Variants in LRRC37A2 observed in about 807,000 individuals in gnomAD.
LRRC37A2 encodes leucine-rich repeat-containing protein 37A2.
A neutral mutation model predicts 68.8 loss-of-function variants in LRRC37A2; 9 were observed. The observed-to-expected ratio is 0.13, with a 90% CI of 0.08 to 0.23. The LOEUF (loss-of-function observed/expected upper bound fraction) is 0.23, where lower values mean the gene tolerates loss of function less well. Among genes scored for constraint, LRRC37A2 ranks in the 10% least tolerant of loss-of-function variants. LRRC37A2 has a pLI of 1.00. For missense variants in LRRC37A2, 168 were observed against 950.4 expected, an observed-to-expected ratio of 0.18 and a Z score of 10.82; for synonymous variants, 63 against 367.6, an observed-to-expected ratio of 0.17 and a Z score of 9.48.
chr17:46,766,545 C>A, the LRRC37A2 span, among the ~76,000 whole-genome samples: 1 of 152,328 alleles, frequency 6.6e-6, no homozygotes, highest in South Asian at 2.1e-4. Flanking sequence ...ACTCCCCACA[C>A]TGCTTTTGTT....
chr17:46,630,392 C>CT, the LRRC37A2 span: 1 of 366,608 alleles, frequency 2.7e-6, no homozygotes, highest in Non-Finnish European at 4.0e-6. Flanking sequence ...TTTTAAGTAT[C>CT]TTTTTTTCTC....
At chr17:46,850,348 C>A in the LRRC37A2 span, among the ~76,000 whole-genome samples, 17 of 152,276 alleles carry the variant, frequency 1.1e-4, no homozygotes, top group Middle Eastern at 6.8e-3. Context: ...GTAATCACTG[C>A]GCTCATTTGA....
chr17:47,009,474 T>A, the LRRC37A2 span, among the ~76,000 whole-genome samples: 1 of 151,760 alleles, frequency 6.6e-6, no homozygotes, highest in African/African-American at 2.4e-5. Context: ...GGGTGGAGGG[T>A]CCCTCTGGTC....
the LRRC37A2 span, chr17:46,923,600 C>T: frequency 2.3e-6 from 3 of 1,285,952 alleles, no homozygotes; most frequent in South Asian, 3.0e-5. Flanking sequence ...GGCCCCTGGC[C>T]GTAGGAGTGT....
At chr17:47,023,091 T>C in the LRRC37A2 span, among the ~76,000 whole-genome samples, 6 of 152,258 alleles carry the variant, frequency 3.9e-5, no homozygotes, top group African/African-American at 1.4e-4. Flanking sequence ...GCTGAAGTTA[T>C]GGATGAATAA....
the LRRC37A2 span, chr17:46,773,651 C>CCCCCCCCCCA: frequency 7.3e-7 from 1 of 1,376,150 alleles, no homozygotes; most frequent in South Asian, 1.2e-5. Flanking sequence ...CCCCCCCCCT[C>CCCCCCCCCCA]AGCCCCAAGG....
chr17:46,500,921 T>C, the LRRC37A2 span, among the ~76,000 whole-genome samples: 1 of 151,168 alleles, frequency 6.6e-6, no homozygotes. Context: ...GGCTCATGCC[T>C]GTAATCCCAG....
the LRRC37A2 span, among the ~76,000 whole-genome samples, chr17:46,790,052 C>A: frequency 2.0e-4 from 31 of 152,210 alleles, 1 homozygote; most frequent in East Asian, 5.4e-3. Context: ...AAGTTCAAAG[C>A]GCTGGCTGCC....
chr17:46,991,703 T>G, the LRRC37A2 span, among the ~76,000 whole-genome samples: 1 of 152,224 alleles, frequency 6.6e-6, no homozygotes, highest in African/African-American at 2.4e-5. Flanking sequence ...CTAGAAGGTT[T>G]AGCTTCATGA....
chr17:46,493,224 C>A, the LRRC37A2 span, among the ~76,000 whole-genome samples: 2 of 134,308 alleles, frequency 1.5e-5, no homozygotes, highest in South Asian at 2.3e-4. Context: ...GTGGCACAGT[C>A]ACCACTCACT....
the LRRC37A2 span, chr17:46,924,443 T>C: frequency 6.6e-6 from 1 of 152,350 alleles, no homozygotes; most frequent in Middle Eastern, 3.4e-3. Context: ...AGTATCTGTT[T>C]TAGTTTCTCT....
the LRRC37A2 span, among the ~76,000 whole-genome samples, chr17:46,502,994 C>T: frequency 2.1e-4 from 31 of 150,666 alleles, no homozygotes; most frequent in South Asian, 1.9e-3. Context: ...GGGTGGATCC[C>T]GATGTCAGGA....
At chr17:47,017,034 G>A in the LRRC37A2 span, among the ~76,000 whole-genome samples, 1 of 127,970 alleles carries the variant, frequency 7.8e-6, no homozygotes, top group Non-Finnish European at 1.7e-5. Context: ...GAGGAGAGGG[G>A]TGTTCCGGCA....
the LRRC37A2 span, chr17:46,937,607 C>G: frequency 6.6e-6 from 1 of 152,192 alleles, no homozygotes; most frequent in Non-Finnish European, 1.5e-5. Flanking sequence ...CCCTCTGCCC[C>G]AGGCAGCCAC....
chr17:46,960,379 C>T, the LRRC37A2 span, among the ~76,000 whole-genome samples: 1 of 152,166 alleles, frequency 6.6e-6, no homozygotes, highest in African/African-American at 2.4e-5. Flanking sequence ...CATAGAGCAC[C>T]TAGAATGCTC....
At chr17:46,954,184 C>G in the LRRC37A2 span, among the ~76,000 whole-genome samples, 1 of 152,184 alleles carries the variant, frequency 6.6e-6, no homozygotes, top group South Asian at 2.1e-4. Context: ...ACATGTAAGT[C>G]TTTAATCCAT....
At chr17:46,907,753 G>T in the LRRC37A2 span, among the ~76,000 whole-genome samples, 13 of 151,808 alleles carry the variant, frequency 8.6e-5, no homozygotes, top group Middle Eastern at 3.4e-3. Context: ...TCAGCGGGGG[G>T]GGTGAGGCAG....
At chr17:46,915,205 G>A in the LRRC37A2 span, among the ~76,000 whole-genome samples, 1 of 152,322 alleles carries the variant, frequency 6.6e-6, no homozygotes, top group Non-Finnish European at 1.5e-5. Context: ...GACACAGAGG[G>A]TACGATATGG....
the LRRC37A2 span, among the ~76,000 whole-genome samples, chr17:46,772,702 CCCTGAGCA>C: frequency 1.3e-4 from 20 of 152,308 alleles, no homozygotes; most frequent in Non-Finnish European, 2.5e-4. Context: ...GTGGGACAGA[CCCTGAGCA>C]CCTGAGGCAC....
Sources: gnomAD v4.1 joint callset for allele counts (sites outside exome capture counted in the v4.1 genomes callset) on GRCh38, gnomAD v4.1.1 for gene constraint, MANE v1.5 for transcripts, NCBI Gene and HGNC (gene_info 2026-07-23, HGNC 2026-07-21) for gene names.